Variants in MAPKAPK3 observed in about 807,000 individuals in gnomAD.
MAPKAPK3 encodes MAP kinase-activated protein kinase 3.
MAPKAPK3 carries 35 observed loss-of-function variants against 49.2 expected under a neutral mutation model. The ratio of observed to expected loss-of-function variants is 0.71; its 90% CI spans 0.54 to 0.94. MAPKAPK3 has a LOEUF of 0.94. Among genes scored for constraint, MAPKAPK3 ranks in the 40% least tolerant of loss-of-function variants. The probability of loss-of-function intolerance (pLI) is 0.00; values close to 1 mark genes in which losing one functional copy is unlikely to be tolerated. For missense variants in MAPKAPK3, 398 were observed against 493.1 expected (o/e 0.81, Z 1.83); for synonymous variants, 178 against 188.7 (o/e 0.94, Z 0.46).
At chr3:50,646,013 C>A in intron 7 of MAPKAPK3, 127 bp from the exon 8 acceptor site, 4 of 1,280,376 alleles carry the variant, frequency 3.1e-6, no homozygotes, top group Non-Finnish European at 4.4e-6. Flanking sequence ...GCCTGGGAGT[C>A]CGGAGGGCTG....
chr3:50,611,966 T>G, exon 1 of MAPKAPK3: 1 of 403,022 alleles, frequency 2.5e-6, no homozygotes, highest in East Asian at 3.8e-5. Flanking sequence ...TCTGGGGCCC[T>G]GAGCAGTGAA....
At chr3:50,647,344 T>C in intron 10 of MAPKAPK3, 141 bp downstream of exon 10, 1 of 674,860 alleles carries the variant, frequency 1.5e-6, no homozygotes. Flanking sequence ...GTCGCAGTGG[T>C]CCAACCATGG....
At position 50,637,292 on chromosome 3, in the gene MAPKAPK3, C is replaced by T. The variant is rs145213912; in HGVS notation, c.220-3074C>T. 5.3e-3 allele frequency among the ~76,000 whole-genome samples: 803 copies of T among 152,336 alleles called. 3 individuals carry two copies. The highest frequency in any genetic ancestry group is 0.034 in the Middle Eastern group (10 of 294). ...GGGACCCCCAAGTGAACTTGACCTG[C>T]CTCTGCCCTCAAGCTGCTCCCAGGG... On this transcript the variant is annotated intron_variant, in intron 2 of 10. Coordinates refer to ENST00000621469, the MANE Select transcript of MAPKAPK3 (RefSeq NM_001243925.2).
At chr3:50,644,280 T>C in intron 5 of MAPKAPK3, 129 bp from the exon 6 acceptor site, 1 of 1,081,244 alleles carries the variant, frequency 9.2e-7, no homozygotes, top group Non-Finnish European at 1.3e-6. Context: ...AAGGCCCGGG[T>C]CTTTTTATAA....
intron 6 of MAPKAPK3, 95 bp from the exon 7 acceptor site, chr3:50,645,615 A>T: frequency 1.1e-6 from 1 of 917,078 alleles, no homozygotes; most frequent in Non-Finnish European, 1.8e-6. Flanking sequence ...CTCCCAGCCC[A>T]GGTACCTGCT....
chr3:50,637,374 G>C (rs1226582406), intron 2 of MAPKAPK3, among the ~76,000 whole-genome samples: 1 of 152,096 alleles, frequency 6.6e-6, no homozygotes, highest in Non-Finnish European at 1.5e-5. Context: ...GGCCGGGCGT[G>C]GTGGCTCACA....
intron 2 of MAPKAPK3, among the ~76,000 whole-genome samples, chr3:50,627,223 C>T (rs1355398225): frequency 2.0e-5 from 3 of 149,372 alleles, no homozygotes; most frequent in African/African-American, 7.4e-5. Context: ...CCTGGGTGCT[C>T]TGCTTGGCAA....
chr3:50,648,285 C>T lies in MAPKAPK3; in HGVS notation c.*239C>T. The T allele has an allele frequency of 2.1e-6, 1 of 485,196 alleles. No individual in the cohort carries two copies. The highest frequency in any genetic ancestry group is 3.6e-6 in the Non-Finnish European group (1 of 274,000). The allele number at this position is 485,196 out of a possible 1,614,324, so 30.1% of individuals were successfully genotyped here. A position where few individuals can be genotyped will look rare whatever the true frequency, so the allele number is the denominator to read the frequency against. On this transcript the variant is annotated 3_prime_UTR_variant, in exon 11 of 11. Coordinates refer to ENST00000621469, the MANE Select transcript of MAPKAPK3 (RefSeq NM_001243925.2). ...CCTAGGGGCTGGGAGCTGCCTGCTG[C>T]CATAGCAGCACCTTTAGCTAGGTTG...
rs1287221760 is a variant in MAPKAPK3, at chr3:50,617,649, G to A, written c.84G>A (p.Pro28=). The A allele has an allele frequency of 6.2e-7, 1 of 1,605,004 alleles. No homozygotes were observed. Among genetic ancestry groups the A allele is most frequent in the African/African-American group, 1.3e-5 (1 of 74,736 alleles). ...GCGGACCCGGCTTGGGCGGTGCTCC[G>A]GGGGGGCGGCGGGAGCCCAAGAAGT... is the stretch of plus-strand genomic sequence containing the variant. ...APGGPGLGGA[P]GGRREPKKYA... is the part of the protein sequence containing the mutation. The change falls in exon 2 of 11, where the codon CCG becomes CCA. Residue 28 remains proline, a synonymous_variant. Coordinates refer to ENST00000621469, the MANE Select transcript of MAPKAPK3 (RefSeq NM_001243925.2).
chr3:50,621,548 A>C (rs1164855327), intron 2 of MAPKAPK3, among the ~76,000 whole-genome samples: 2 of 149,610 alleles, frequency 1.3e-5, no homozygotes, highest in Non-Finnish European at 3.0e-5. Flanking sequence ...CAGTGAGCCG[A>C]GATCACGCCA....
In MAPKAPK3 at chr3:50,617,780, T is replaced by C; in HGVS notation, c.215T>C (p.Leu72Pro). ...FHRRTGQKCA[L>P]KLLYDSPKAR... ...CGGCGCACTGGACAGAAGTGTGCCC[T>C]GAAGGTCAGTGAGCCCTCACTGAGG... The change falls in exon 2 of 11, where the codon CTG becomes CCG. Residue 72 changes from leucine to proline, a missense_variant. By Grantham distance (98) the Leu-to-Pro change is moderately conservative (BLOSUM62 -3). This residue lies in a region of MAPKAPK3 where 123 missense variants were observed against 117.7 expected (regional missense o/e 1.04). Coordinates refer to ENST00000621469, the MANE Select transcript of MAPKAPK3 (RefSeq NM_001243925.2). The C allele has an allele frequency of 6.2e-7, 1 of 1,612,574 alleles. No homozygotes were observed. The highest frequency in any genetic ancestry group is 8.5e-7 in the Non-Finnish European group (1 of 1,179,318).
intron 2 of MAPKAPK3, among the ~76,000 whole-genome samples, chr3:50,630,949 C>T (rs1425733032): frequency 6.6e-6 from 1 of 152,184 alleles, no homozygotes; most frequent in South Asian, 2.1e-4. Context: ...CTGTAGGGAG[C>T]GCTAATCCCA....
chr3:50,637,564 G>A (rs1293938805), intron 2 of MAPKAPK3, among the ~76,000 whole-genome samples: 3 of 151,496 alleles, frequency 2.0e-5, no homozygotes, highest in Non-Finnish European at 4.4e-5. Context: ...CCCGGGAGGC[G>A]GAGCTTGCAG....
chr3:50,637,913 A>G (rs2033083513), intron 2 of MAPKAPK3, among the ~76,000 whole-genome samples: 1 of 152,134 alleles, frequency 6.6e-6, no homozygotes, highest in Non-Finnish European at 1.5e-5. Context: ...TCTGGCCAGA[A>G]CAAAGTGGTT....
chr3:50,620,327 C>G (rs1161692961), intron 2 of MAPKAPK3, among the ~76,000 whole-genome samples: 1 of 152,120 alleles, frequency 6.6e-6, no homozygotes, highest in African/African-American at 2.4e-5. Context: ...TAGCCCTCTC[C>G]CCGCAGTTGC....
In MAPKAPK3 at chr3:50,647,174, G is replaced by A. The variant is rs2033320923; in HGVS notation, c.967G>A (p.Glu323Lys). 1.3e-6 allele frequency: 2 copies of A among 1,596,838 alleles called. No homozygotes were observed. The highest frequency in any genetic ancestry group is 1.7e-6 in the Non-Finnish European group (2 of 1,171,664). ...ACTCCACACGGCCCGAGTGCTGCAGGAGGACAAAGACCACTGGGACGAAGT... is the reference window on the plus strand; with the variant it reads ...ACTCCACACGGCCCGAGTGCTGCAGAAGGACAAAGACCACTGGGACGAAGT... ...TPLHTARVLQ[E>K]DKDHWDEVKE... Residue 323 changes from glutamate to lysine, a missense_variant, in exon 10 of 11, where the codon GAG becomes AAG. Glu to Lys is a moderately conservative substitution (Grantham distance 56). Transcript: ENST00000621469.
intron 9 of MAPKAPK3, 45 bp from the exon 10 acceptor site, chr3:50,647,078 C>A: frequency 6.8e-7 from 1 of 1,475,114 alleles, no homozygotes; most frequent in Non-Finnish European, 9.3e-7. Flanking sequence ...AGTGCTGTCC[C>A]AGGTGCCTCC....
intron 2 of MAPKAPK3, among the ~76,000 whole-genome samples, chr3:50,620,525 A>G (rs2032584655): frequency 6.6e-6 from 1 of 152,136 alleles, no homozygotes; most frequent in Non-Finnish European, 1.5e-5. Context: ...GCTTAACAGG[A>G]AGCCTGAAAC....
At chr3:50,622,972 C>T (rs1398858704) in intron 2 of MAPKAPK3, among the ~76,000 whole-genome samples, 1 of 152,206 alleles carries the variant, frequency 6.6e-6, no homozygotes, top group Non-Finnish European at 1.5e-5. Context: ...GGGGATGGTG[C>T]CCACTGCTCC....
Sources: allele counts gnomAD v4.1 joint callset (sites outside exome capture counted in the v4.1 genomes callset), GRCh38; gene constraint gnomAD v4.1.1; regional missense constraint gnomAD v4.1.1; transcripts MANE v1.5; gene names NCBI Gene and HGNC (gene_info 2026-07-23, HGNC 2026-07-21).